Variants in PLEKHA2 observed in about 807,000 individuals in gnomAD.
The protein encoded by PLEKHA2 is pleckstrin homology domain containing A2.
PLEKHA2 carries 28 observed loss-of-function variants against 53.2 expected under a neutral mutation model. That is an observed-to-expected ratio of 0.53 (90% confidence interval 0.39 to 0.72). The LOEUF is 0.72. PLEKHA2 is among the 30% of genes least tolerant of loss of function. The probability of loss-of-function intolerance (pLI) is 0.00; values close to 1 mark genes in which losing one functional copy is unlikely to be tolerated. For synonymous variants in PLEKHA2, 193 were observed against 196.4 expected (o/e 0.98, Z 0.14); for missense variants, 426 against 537.9 (o/e 0.79, Z 2.06).
intron 2 of PLEKHA2, among the ~76,000 whole-genome samples, chr8:38,921,520 T>A (rs534476853): frequency 1.3e-5 from 2 of 152,268 alleles, no homozygotes; most frequent in South Asian, 2.1e-4. Flanking sequence ...TTGTCAGGAT[T>A]CCCCTCACTC....
At chr8:38,943,759 C>T (rs1297444398) in intron 3 of PLEKHA2, 30 bp from the exon 4 acceptor site, 12 of 1,495,404 alleles carry the variant, frequency 8.0e-6, no homozygotes, top group Non-Finnish European at 1.1e-5. Context: ...GACACATATT[C>T]ATGTTTCTTT....
intron 2 of PLEKHA2, among the ~76,000 whole-genome samples, chr8:38,934,832 T>A (rs572133523): frequency 4.6e-5 from 7 of 151,566 alleles, no homozygotes; most frequent in Admixed American, 2.6e-4. Flanking sequence ...ATATATATAT[T>A]TTTATTTCTA....
At chr8:38,935,653 A>G (rs1031189965) in intron 2 of PLEKHA2, among the ~76,000 whole-genome samples, 13 of 152,148 alleles carry the variant, frequency 8.5e-5, no homozygotes, top group African/African-American at 3.1e-4. Context: ...TCCTGGCCTC[A>G]AGTGATCTTC....
In PLEKHA2 at chr8:38,952,195, G is replaced by A. The variant is rs1564146052; in HGVS notation, c.516G>A (p.Glu172=). 1.2e-6 allele frequency: 2 copies of A among 1,613,264 alleles called. No homozygotes were observed. The highest frequency in any genetic ancestry group is 1.7e-5 in the Admixed American group (1 of 59,928). Residue 172 remains glutamate, a synonymous_variant, in exon 7 of 12, where the codon GAG becomes GAA. Coordinates refer to ENST00000617275, the MANE Select transcript of PLEKHA2 (RefSeq NM_021623.2). ...QNGGDGQEGS[E]PGSHTILRRS... ...GTGGGGATGGGCAGGAAGGGAGTGA[G>A]CCCGGGTCCCACACCATCCTTCGAA...
At chr8:38,941,716 C>G (rs1038308015) in intron 3 of PLEKHA2, among the ~76,000 whole-genome samples, 4 of 152,206 alleles carry the variant, frequency 2.6e-5, no homozygotes, top group Admixed American at 2.6e-4. Context: ...TGAGCAGATT[C>G]TGTGTGGAAG....
rs761745589 is a variant in PLEKHA2 at position 38,943,819 on chromosome 8, A to G, written c.229A>G (p.Lys77Glu). 1 of 1,583,494 alleles carries G rather than the reference A, an allele frequency of 6.3e-7. No individual in the cohort carries two copies. Among genetic ancestry groups the G allele is most frequent in the Admixed American group, 1.8e-5 (1 of 55,224 alleles). The part of the protein sequence containing the change: ...VSIATPKQKP[K>E]TPFCFVINAL... ...CATAGCTACCCCAAAACAGAAACCAAAAACTCCATTTTGCTTTGGTAAGTA... is the reference window on the plus strand; with the variant it reads ...CATAGCTACCCCAAAACAGAAACCAGAAACTCCATTTTGCTTTGGTAAGTA... Residue 77 changes from lysine (K) to glutamate (E), a missense_variant, in exon 4 of 12, where the codon AAA becomes GAA. Coordinates refer to ENST00000617275, the MANE Select transcript of PLEKHA2 (RefSeq NM_021623.2).
At position 38,950,915 on chromosome 8, in the gene PLEKHA2, C is replaced by T. The variant is rs1164025683; in HGVS notation, c.411C>T (p.Ala137=). The T allele has an allele frequency of 6.2e-7, 1 of 1,613,996 alleles. No individual in the cohort carries two copies. The part of the protein sequence containing the change: ...EVLKSLAAPP[A]LEKKPQVAYK... ...TCAAGAGCTTAGCAGCTCCTCCAGCCCTGGAGAAGAAGCCACAGGTGGCCT... is the reference window on the plus strand; with the variant it reads ...TCAAGAGCTTAGCAGCTCCTCCAGCTCTGGAGAAGAAGCCACAGGTGGCCT... The change falls in exon 6 of 12, where the codon GCC becomes GCT. Residue 137 remains alanine, a synonymous_variant. Coordinates refer to ENST00000617275, the MANE Select transcript of PLEKHA2 (RefSeq NM_021623.2).
rs570982192 is a variant in PLEKHA2 at position 38,923,340 on chromosome 8, T to C, written c.141+5270T>C. ...CACTTATCCTGTGGAGTATGGGCAC[T>C]CTAGGTGATCCTTTCACCAGCACAC... On this transcript the variant is annotated intron_variant, in intron 2 of 11. Coordinates refer to ENST00000617275, the MANE Select transcript of PLEKHA2 (RefSeq NM_021623.2). Among the ~76,000 whole-genome samples, 12 of 152,328 alleles carry C rather than the reference T, an allele frequency of 7.9e-5. No homozygotes were observed. In the South Asian group the frequency reaches 2.3e-3, roughly 29 times the overall value.
chr8:38,946,080 T>G, intron 4 of PLEKHA2, 44 bp from the exon 5 acceptor site: 10 of 1,484,340 alleles, frequency 6.7e-6, no homozygotes, highest in Non-Finnish European at 9.3e-6. Context: ...TTGCTTGTAT[T>G]CTGACCTAGG....
chr8:38,950,757 G>A (rs1210092405), intron 5 of PLEKHA2, 93 bp from the exon 6 acceptor site: 5 of 1,480,504 alleles, frequency 3.4e-6, no homozygotes, highest in Non-Finnish European at 3.6e-6. Context: ...TTTGGCACAT[G>A]AGCTTTTCTC....
intron 10 of PLEKHA2, among the ~76,000 whole-genome samples, chr8:38,966,507 T>C (rs1835138616): frequency 6.6e-6 from 1 of 152,178 alleles, no homozygotes; most frequent in Admixed American, 6.5e-5. Context: ...TGATGCAGCA[T>C]GTAACACCGG....
At chr8:38,937,267 C>T (rs995381478) in intron 3 of PLEKHA2, among the ~76,000 whole-genome samples, 3 of 152,212 alleles carry the variant, frequency 2.0e-5, no homozygotes, top group African/African-American at 4.8e-5. Flanking sequence ...AGCACAGCTG[C>T]CGGCAATTTG....
intron 2 of PLEKHA2, among the ~76,000 whole-genome samples, chr8:38,928,799 T>G (rs1173762234): frequency 6.6e-6 from 1 of 151,280 alleles, no homozygotes; most frequent in Admixed American, 6.6e-5. Flanking sequence ...ATGGGGAGAG[T>G]AGCTATCAGC....
intron 10 of PLEKHA2, among the ~76,000 whole-genome samples, chr8:38,959,928 C>G (rs545425546): frequency 3.9e-4 from 59 of 152,168 alleles, no homozygotes; most frequent in African/African-American, 1.3e-3. Flanking sequence ...TGCTGGACAT[C>G]CAAGGAGATG....
At position 38,952,255 on chromosome 8, in the gene PLEKHA2, T is replaced by C; in HGVS notation, c.576T>C (p.Arg192=). The C allele has an allele frequency of 6.2e-7, 1 of 1,612,758 alleles. No homozygotes were observed. The highest frequency in any genetic ancestry group is 1.1e-5 in the South Asian group (1 of 90,580). The change falls in exon 7 of 12, where the codon CGT becomes CGC. Residue 192 remains arginine (R), a synonymous_variant. Transcript: ENST00000617275. ...SQSYIPTSGC[R]ASTGPPLIKS... is the part of the protein sequence containing the mutation. ...GTTACATCCCCACGTCAGGCTGCCG[T>C]GCTTCCACTGGGCCTCCCCTCATTA...
chr8:38,907,199 G>A (rs947302453), intron 1 of PLEKHA2, among the ~76,000 whole-genome samples: 1 of 152,168 alleles, frequency 6.6e-6, no homozygotes, highest in African/African-American at 2.4e-5. Context: ...CACAGAATGT[G>A]AAAGAAACAT....
At chr8:38,947,538 A>G (rs1356608452) in intron 5 of PLEKHA2, among the ~76,000 whole-genome samples, 1 of 152,186 alleles carries the variant, frequency 6.6e-6, no homozygotes, top group East Asian at 1.9e-4. Flanking sequence ...CAGGAGGATC[A>G]CTTGAGCCCA....
At chr8:38,926,454 T>C (rs1056856420) in intron 2 of PLEKHA2, among the ~76,000 whole-genome samples, 2 of 151,410 alleles carry the variant, frequency 1.3e-5, no homozygotes, top group African/African-American at 4.9e-5. Context: ...CAGTCAGAGC[T>C]CACTGCTGGA....
intron 1 of PLEKHA2, among the ~76,000 whole-genome samples, chr8:38,914,644 A>C (rs10958811): frequency 0.82 from 125,157 of 152,208 alleles, 51,496 homozygotes; most frequent in African/African-American, 0.84. Flanking sequence ...GAAAGTCTGA[A>C]TGTCACGTGG....
Sources: gnomAD v4.1 joint callset for allele counts (sites outside exome capture counted in the v4.1 genomes callset) on GRCh38, gnomAD v4.1.1 for gene constraint, MANE v1.5 for transcripts, NCBI Gene and HGNC (gene_info 2026-07-23, HGNC 2026-07-21) for gene names.